SPATA31D1: variants seen among roughly 807,000 people sequenced by gnomAD.
SPATA31D1 encodes the protein SPATA31 subfamily D member 1.
In SPATA31D1, 6 loss-of-function variants were observed where a neutral mutation model predicts 13.2. That is an observed-to-expected ratio of 0.46 (90% CI 0.25 to 0.90). The LOEUF is 0.90. Ranked by LOEUF, SPATA31D1 falls within the 40% of genes least tolerant of loss-of-function variation. The probability of loss-of-function intolerance (pLI) is 0.18; values close to 1 mark genes in which losing one functional copy is unlikely to be tolerated. For synonymous variants in SPATA31D1, 903 were observed against 718.8 expected (o/e 1.26, Z -4.10); for missense variants, 2,445 against 1,884.7 (o/e 1.30, Z -5.50).
Position 81,993,255 on chromosome 9 carries a change from T to C in SPATA31D1, c.2785T>C (p.Phe929Leu). The C allele has an allele frequency of 6.2e-7, 1 of 1,613,996 alleles. No individual in the cohort carries two copies. Among genetic ancestry groups the C allele is most frequent in the East Asian group, 2.2e-5 (1 of 44,868 alleles). The change falls in exon 4 of 4, where the codon TTC becomes CTC. Residue 929 changes from phenylalanine (F) to leucine (L), a missense_variant. Physicochemically the swap from Phe to Leu is conservative, Grantham distance 22. Coordinates refer to ENST00000344803, the MANE Select transcript of SPATA31D1 (RefSeq NM_001001670.3). ...PLKVLESIEI[F>L]KSKADLSTSF... The stretch of plus-strand genomic sequence containing the variant: ...CAAGGTCCTTGAATCCATAGAAATC[T>C]TCAAATCGAAAGCGGACCTTTCCAC...
chr9:81,992,316 C>G lies in SPATA31D1; in HGVS notation c.1846C>G (p.Leu616Val). ...TAGACCCCAGAACGAGGCACGGTCTCTTTTGCCATCTGAAATTAACCATCT... is the reference window on the plus strand; with the variant it reads ...TAGACCCCAGAACGAGGCACGGTCTGTTTTGCCATCTGAAATTAACCATCT... ...FHRPQNEARS[L>V]LPSEINHLEW... Residue 616 changes from leucine to valine, a missense_variant, in exon 4 of 4, where the codon CTT becomes GTT. Leu to Val is a conservative substitution (Grantham distance 32). Transcript: ENST00000344803. The G allele has an allele frequency of 6.2e-7, 1 of 1,613,808 alleles. No homozygotes were observed. Among genetic ancestry groups the G allele is most frequent in the East Asian group, 2.2e-5 (1 of 44,876 alleles).
chr9:81,991,978 T>C lies in SPATA31D1; in HGVS notation c.1508T>C (p.Leu503Pro). 1 of 1,613,808 alleles carries C rather than the reference T, an allele frequency of 6.2e-7. No individual in the cohort carries two copies. The highest frequency in any genetic ancestry group is 8.5e-7 in the Non-Finnish European group (1 of 1,179,716). Reference sequence around the variant, plus strand: ...CATTTAGAGCAAAAATATGTCCAGCTCTTCTGGGGTCTCCCATCTTTGCAC... The same window carrying C: ...CATTTAGAGCAAAAATATGTCCAGCCCTTCTGGGGTCTCCCATCTTTGCAC... ...EDHLEQKYVQ[L>P]FWGLPSLHSE... The change falls in exon 4 of 4, where the codon CTC (leucine) becomes CCC (proline). Residue 503 changes from leucine to proline, a missense_variant. Leu to Pro is a moderately conservative substitution (Grantham distance 98). Coordinates refer to ENST00000344803, the MANE Select transcript of SPATA31D1 (RefSeq NM_001001670.3).
chr9:81,992,021 T>C lies in SPATA31D1; in HGVS notation c.1551T>C (p.Pro517=). The C allele has an allele frequency of 4.3e-6, 7 of 1,613,832 alleles. No individual in the cohort carries two copies. Among genetic ancestry groups the C allele is most frequent in the Non-Finnish European group, 5.9e-6 (7 of 1,179,726 alleles). Residue 517 remains proline (P), a synonymous_variant, in exon 4 of 4, where the codon CCT becomes CCC. Coordinates refer to ENST00000344803, the MANE Select transcript of SPATA31D1 (RefSeq NM_001001670.3). The stretch of plus-strand genomic sequence containing the variant: ...CTTTGCACAGCGAGTCTCTGCATCC[T>C]ACTGTTCTTGTCCAACGTGGCCATT... ...LPSLHSESLH[P]TVLVQRGHSS... is the part of the protein sequence containing the mutation.
rs1313251080 is a variant in SPATA31D1 at position 81,993,758 on chromosome 9, C to T, written c.3288C>T (p.Ile1096=). ...RQTFLPPPHS[I]VDEVSQKQTV... is the part of the protein sequence containing the mutation. The stretch of plus-strand genomic sequence containing the variant: ...CTTTTCTGCCCCCGCCACACAGCAT[C>T]GTAGACGAAGTCAGTCAGAAACAGA... Residue 1096 remains isoleucine (I), a synonymous_variant, in exon 4 of 4, where the codon ATC becomes ATT. Coordinates refer to ENST00000344803, the MANE Select transcript of SPATA31D1 (RefSeq NM_001001670.3). 11 of 1,613,860 alleles carry T rather than the reference C, an allele frequency of 6.8e-6. No homozygotes were observed. The highest frequency in any genetic ancestry group is 3.3e-5 in the South Asian group (3 of 91,086).
In SPATA31D1 at chr9:81,994,219, G is replaced by C; in HGVS notation, c.3749G>C (p.Gly1250Ala). The C allele has an allele frequency of 6.2e-7, 1 of 1,614,026 alleles. No homozygotes were observed. The highest frequency in any genetic ancestry group is 8.5e-7 in the Non-Finnish European group (1 of 1,179,904). The change falls in exon 4 of 4, where the codon GGA becomes GCA. Residue 1250 changes from glycine to alanine, a missense_variant. Physicochemically the swap from Gly to Ala is moderately conservative, Grantham distance 60. Coordinates refer to ENST00000344803, the MANE Select transcript of SPATA31D1 (RefSeq NM_001001670.3). ...CAGGGCATCTCGAGTGGGGACATGG[G>C]AACTTCCCAGGTGGTGCATGTCCAC... is the stretch of plus-strand genomic sequence containing the variant. Reference protein sequence around the residue: ...NSQGISSGDMGTSQVVHVHLE... With the variant: ...NSQGISSGDMATSQVVHVHLE...
rs767864822 is a variant in SPATA31D1 at position 81,991,009 on chromosome 9, C to T, written c.539C>T (p.Pro180Leu). 1.2e-6 allele frequency: 2 copies of T among 1,613,806 alleles called. No individual in the cohort carries two copies. The highest frequency in any genetic ancestry group is 4.5e-5 in the East Asian group (2 of 44,868). Residue 180 changes from proline to leucine, a missense_variant, in exon 4 of 4, where the codon CCT becomes CTT. By Grantham distance (98) the Pro-to-Leu change is moderately conservative. Coordinates refer to ENST00000344803, the MANE Select transcript of SPATA31D1 (RefSeq NM_001001670.3). The stretch of plus-strand genomic sequence containing the variant: ...CTGGCTTCCACCCCCTCAGCAACCC[C>T]TCCAGAAGACCTAATACTGTCCCCT... ...FTLASTPSAT[P>L]PEDLILSPRP...
intron 2 of SPATA31D1, 73 bp downstream of exon 2, chr9:81,989,896 G>T: frequency 6.5e-7 from 1 of 1,530,978 alleles, no homozygotes; most frequent in South Asian, 1.2e-5. Context: ...TCAGTCCCAT[G>T]ATTTCTTAGA....
In SPATA31D1 at chr9:81,995,192, C is replaced by A; in HGVS notation, c.4722C>A (p.Pro1574=). ...ATTTACAGGGAGGAAAATTTCCCCCCACAAAATAATTCACTCCTTGTTGAG... is the reference window on the plus strand; with the variant it reads ...ATTTACAGGGAGGAAAATTTCCCCCAACAAAATAATTCACTCCTTGTTGAG... The part of the protein sequence containing the change: ...PKHLQGGKFP[P]TK The change falls in exon 4 of 4, where the codon CCC becomes CCA. Residue 1574 remains proline, a synonymous_variant. Transcript: ENST00000344803. The A allele has an allele frequency of 6.6e-7, 1 of 1,522,266 alleles. No homozygotes were observed. The highest frequency in any genetic ancestry group is 8.8e-7 in the Non-Finnish European group (1 of 1,134,046). 94.3% of individuals were successfully genotyped at this position (1,522,266 alleles called of 1,614,324 possible).
rs1331212843 is a variant in SPATA31D1 at position 81,993,634 on chromosome 9, C to T, written c.3164C>T (p.Pro1055Leu). 7 of 1,614,004 alleles carry T rather than the reference C, an allele frequency of 4.3e-6. No individual in the cohort carries two copies. In the Admixed American group the frequency reaches 8.3e-5, roughly 19 times the overall value. The change falls in exon 4 of 4, where the codon CCT (proline) becomes CTT (leucine). Residue 1055 changes from proline (P) to leucine (L), a missense_variant. Coordinates refer to ENST00000344803, the MANE Select transcript of SPATA31D1 (RefSeq NM_001001670.3). ...ILGHSYLVTS[P>L]VNQEKQGTLR... Reference sequence around the variant, plus strand: ...GGTCATTCTTACCTTGTCACTTCACCTGTCAACCAAGAAAAGCAGGGGACC... The same window carrying T: ...GGTCATTCTTACCTTGTCACTTCACTTGTCAACCAAGAAAAGCAGGGGACC...
chr9:81,990,628 TG>T (rs1824933249), intron 3 of SPATA31D1, 142 bp downstream of exon 3: 1 of 1,331,094 alleles, frequency 7.5e-7, no homozygotes. Flanking sequence ...ATGAATGTGT[TG>T]GGGAGAGGCT....
Position 81,993,204 on chromosome 9 carries a change from A to G in SPATA31D1, c.2734A>G (p.Met912Val), listed in dbSNP as rs1300831550. The change falls in exon 4 of 4, where the codon ATG (methionine) becomes GTG (valine). Residue 912 changes from methionine to valine, a missense_variant. Transcript: ENST00000344803. ...GGAAGCCCATATTAAAACTTTCCGT[A>G]TGAGGATGCTGTGGGGCCTTCCCCT... ...MLEAHIKTFRMRMLWGLPLKV... is the reference protein window; with the variant it reads ...MLEAHIKTFRVRMLWGLPLKV... 1 of 1,613,856 alleles carries G rather than the reference A, an allele frequency of 6.2e-7. No homozygotes were observed. Among genetic ancestry groups the G allele is most frequent in the Non-Finnish European group, 8.5e-7 (1 of 1,179,894 alleles).
At chr9:81,990,726 C>T (rs1470313034) in intron 3 of SPATA31D1, 47 bp from the exon 4 acceptor site, 1 of 1,556,742 alleles carries the variant, frequency 6.4e-7, no homozygotes, top group East Asian at 2.4e-5. Flanking sequence ...GAACCCACCC[C>T]TGCCAGGCTA....
Position 81,988,874 on chromosome 9 carries a change from A to G in SPATA31D1, c.56A>G (p.Asp19Gly), listed in dbSNP as rs770450590. The G allele has an allele frequency of 6.2e-7, 1 of 1,612,888 alleles. No individual in the cohort carries two copies. Among genetic ancestry groups the G allele is most frequent in the Admixed American group, 1.7e-5 (1 of 60,014 alleles). Reference protein sequence around the residue: ...NSYTETGLSPDSHWLDIDPNF... With the variant: ...NSYTETGLSPGSHWLDIDPNF... ...TATACTGAGACAGGGCTGAGCCCTG[A>G]CTCACATTGGTTGGATATCGACCCC... Residue 19 changes from aspartate (D) to glycine (G), a missense_variant, in exon 1 of 4, where the codon GAC becomes GGC. Physicochemically the swap from Asp to Gly is moderately conservative, Grantham distance 94 (BLOSUM62 -1). Coordinates refer to ENST00000344803, the MANE Select transcript of SPATA31D1 (RefSeq NM_001001670.3).
At chr9:81,989,475 C>T (rs1352080777) in intron 1 of SPATA31D1, among the ~76,000 whole-genome samples, 1 of 152,188 alleles carries the variant, frequency 6.6e-6, no homozygotes, top group East Asian at 1.9e-4. Context: ...CTCCGTGACA[C>T]TTGTCCCATG....
In SPATA31D1 at chr9:81,993,283, C is replaced by A. The variant is rs145142439; in HGVS notation, c.2813C>A (p.Ser938Tyr). The part of the protein sequence containing the change: ...IFKSKADLST[S>Y]FSHFDLPSSA... ...AAATCGAAAGCGGACCTTTCCACTT[C>A]CTTTTCCCATTTCGACCTTCCCTCC... The change falls in exon 4 of 4, where the codon TCC becomes TAC. Residue 938 changes from serine (S) to tyrosine (Y), a missense_variant. Physicochemically the swap from Ser to Tyr is moderately radical, Grantham distance 144. Coordinates refer to ENST00000344803, the MANE Select transcript of SPATA31D1 (RefSeq NM_001001670.3). 4.7e-3 allele frequency: 7,573 copies of A among 1,614,026 alleles called. 25 individuals carry two copies. The highest frequency in any genetic ancestry group is 5.8e-3 in the Non-Finnish European group (6,890 of 1,179,898).
chr9:81,993,074 C>G lies in SPATA31D1; in HGVS notation c.2604C>G (p.His868Gln). ...KQTMSLPEKS[H>Q]SQIKHRNLVT... ...CAATGTCTCTTCCTGAGAAATCCCA[C>G]AGCCAAATTAAACATCGAAATCTGG... Residue 868 changes from histidine (H) to glutamine (Q), a missense_variant, in exon 4 of 4, where the codon CAC (histidine) becomes CAG (glutamine). Physicochemically the swap from His to Gln is conservative, Grantham distance 24 (BLOSUM62 0). Transcript: ENST00000344803. 6.2e-7 allele frequency: 1 copy of G among 1,613,828 alleles called. No individual in the cohort carries two copies. The highest frequency in any genetic ancestry group is 8.5e-7 in the Non-Finnish European group (1 of 1,179,752).
Position 81,993,514 on chromosome 9 carries a change from C to T in SPATA31D1, c.3044C>T (p.Thr1015Ile). Residue 1015 changes from threonine to isoleucine, a missense_variant, in exon 4 of 4, where the codon ACA becomes ATA. Physicochemically the swap from Thr to Ile is moderately conservative, Grantham distance 89. Coordinates refer to ENST00000344803, the MANE Select transcript of SPATA31D1 (RefSeq NM_001001670.3). ...GATACTGACCATGACCTTATAGAGACAGATTCCAAAGACGGGGCCTCCACA... is the reference window on the plus strand; with the variant it reads ...GATACTGACCATGACCTTATAGAGATAGATTCCAAAGACGGGGCCTCCACA... ...FSDTDHDLIE[T>I]DSKDGASTSL... 1 of 1,613,540 alleles carries T rather than the reference C, an allele frequency of 6.2e-7. No homozygotes were observed. Among genetic ancestry groups the T allele is most frequent in the Non-Finnish European group, 8.5e-7 (1 of 1,179,800 alleles).
rs1824949061 is a variant in SPATA31D1, at chr9:81,991,088, C to A, written c.618C>A (p.Thr206=). 6.2e-7 allele frequency: 1 copy of A among 1,613,596 alleles called. No homozygotes were observed. The highest frequency in any genetic ancestry group is 8.5e-7 in the Non-Finnish European group (1 of 1,179,714). ...TAATTCTCTCACCTGACCTGATCACCACCTTAGCTGACTTATTTTCACCCT... is the reference window on the plus strand; with the variant it reads ...TAATTCTCTCACCTGACCTGATCACAACCTTAGCTGACTTATTTTCACCCT... ...PPLILSPDLI[T]TLADLFSPSP... The change falls in exon 4 of 4, where the codon ACC becomes ACA. Residue 206 remains threonine, a synonymous_variant. Coordinates refer to ENST00000344803, the MANE Select transcript of SPATA31D1 (RefSeq NM_001001670.3).
At position 81,991,700 on chromosome 9, in the gene SPATA31D1, C is replaced by A. The variant is rs1481002991; in HGVS notation, c.1230C>A (p.Asp410Glu). The A allele has an allele frequency of 6.2e-7, 1 of 1,613,902 alleles. No individual in the cohort carries two copies. Among genetic ancestry groups the A allele is most frequent in the Non-Finnish European group, 8.5e-7 (1 of 1,179,844 alleles). The change falls in exon 4 of 4, where the codon GAC becomes GAA. Residue 410 changes from aspartate (D) to glutamate (E), a missense_variant. By Grantham distance (45) the Asp-to-Glu change is conservative. Transcript: ENST00000344803. ...TTAACATCTCATTTCTCAGCCATGA[C>A]ATTCTGGCACTCCTGGAGAGACAAG... ...EPVNISFLSH[D>E]ILALLERQVK...
Sources: gnomAD v4.1 joint callset for allele counts (sites outside exome capture counted in the v4.1 genomes callset) on GRCh38, gnomAD v4.1.1 for gene constraint, MANE v1.5 for transcripts, NCBI Gene and HGNC (gene_info 2026-07-23, HGNC 2026-07-21) for gene names.